Variants in EPB41L4A observed in about 807,000 individuals in gnomAD.
The protein encoded by EPB41L4A is band 4.1-like protein 4A.
Under a neutral mutation model 108.6 loss-of-function variants are expected in EPB41L4A, and 100 were observed. That is an observed-to-expected ratio of 0.92 (90% CI 0.78 to 1.09). The LOEUF (loss-of-function observed/expected upper bound fraction) is 1.09, where lower values mean the gene tolerates loss of function less well. Among genes scored for constraint, EPB41L4A ranks in the 50% least tolerant of loss-of-function variants. The pLI is 0.00. For missense variants in EPB41L4A, 1,030 were observed against 842.7 expected, an observed-to-expected ratio of 1.22 and a Z score of -2.75; for synonymous variants, 319 against 289.0, an observed-to-expected ratio of 1.10 and a Z score of -1.05.
chr5:112,374,625 A>G (rs763994423), intron 1 of EPB41L4A, among the ~76,000 whole-genome samples: 51 of 152,066 alleles, frequency 3.4e-4, no homozygotes, highest in Non-Finnish European at 6.9e-4. Flanking sequence ...GTGAACGCAC[A>G]CTCCTAGTGC....
intron 17 of EPB41L4A, 28 bp downstream of exon 17, chr5:112,194,540 C>A: frequency 7.5e-7 from 1 of 1,329,734 alleles, no homozygotes; most frequent in Non-Finnish European, 1.1e-6. Flanking sequence ...TTTCAGAGTG[C>A]CAGTTAATTA....
At chr5:112,275,223 T>G in intron 4 of EPB41L4A, 103 bp downstream of exon 4, 4 of 1,369,304 alleles carry the variant, frequency 2.9e-6, no homozygotes, top group Non-Finnish European at 3.9e-6. Flanking sequence ...AAAATGCAGG[T>G]AGACACACAT....
chr5:112,412,633 T>C (rs1762476124), intron 1 of EPB41L4A, among the ~76,000 whole-genome samples: 1 of 152,168 alleles, frequency 6.6e-6, no homozygotes, highest in Non-Finnish European at 1.5e-5. Context: ...AATCTTAACA[T>C]ATGAAACGTG....
At chr5:112,159,696 T>C (rs1022367032), downstream of EPB41L4A, among the ~76,000 whole-genome samples, 1 of 152,222 alleles carries the variant, frequency 6.6e-6, no homozygotes, top group African/African-American at 2.4e-5. Context: ...CCAGTCTTCC[T>C]ATTCCTAGCC....
intron 1 of EPB41L4A, among the ~76,000 whole-genome samples, chr5:112,322,217 A>C (rs1400959731): frequency 1.3e-5 from 2 of 152,224 alleles, no homozygotes; most frequent in African/African-American, 2.4e-5. Context: ...CCATGATAGC[A>C]ATTCAAGGAA....
chr5:112,294,098 C>T (rs1430019052), intron 2 of EPB41L4A, among the ~76,000 whole-genome samples: 1 of 152,174 alleles, frequency 6.6e-6, no homozygotes, highest in African/African-American at 2.4e-5. Context: ...CTAAACAGCA[C>T]CTAGTAGCTG....
At chr5:112,221,501 A>T (rs1040414857) in intron 12 of EPB41L4A, among the ~76,000 whole-genome samples, 1 of 152,262 alleles carries the variant, frequency 6.6e-6, no homozygotes, top group Admixed American at 6.5e-5. Flanking sequence ...GTAAAATGGG[A>T]ACACCACTAA....
chr5:112,180,101 G>T lies in EPB41L4A; in HGVS notation c.1622+3915C>A, dbSNP rs566623758. 2.5e-4 allele frequency among the ~76,000 whole-genome samples: 38 copies of T among 152,136 alleles called. 1 individual carries two copies. The highest frequency in any genetic ancestry group is 8.9e-4 in the African/African-American group (37 of 41,486). On this transcript the variant is annotated intron_variant, in intron 18 of 22. Transcript: ENST00000261486. ...GTACTGAGAACTATAAAACATTGCT[G>T]CAAGAAGATAAAAACAAATGGATGA... is the stretch of plus-strand genomic sequence containing the variant.
chr5:112,233,054 T>G (rs1010349116), intron 12 of EPB41L4A, among the ~76,000 whole-genome samples: 1 of 151,948 alleles, frequency 6.6e-6, no homozygotes. Context: ...TAAAAAAAAA[T>G]CTGAATAACC....
chr5:112,170,334 T>A lies in EPB41L4A; in HGVS notation c.1706A>T (p.Glu569Val), dbSNP rs2150202209. The A allele has an allele frequency of 6.2e-7, 1 of 1,613,078 alleles. No homozygotes were observed. The highest frequency in any genetic ancestry group is 1.1e-5 in the South Asian group (1 of 90,990). ...AGTGTATGGAATCTCTTTTAATTGT[T>A]CTTCGGACAATCCGGATGGATCCAC... ...ELVDPSGLSE[E>V]QLKEIPYTKI... The change falls in exon 20 of 23, where the codon GAA becomes GTA. Residue 569 changes from glutamate (E) to valine (V), a missense_variant. Glu to Val is a moderately radical substitution (Grantham distance 121). Coordinates refer to ENST00000261486, the MANE Select transcript of EPB41L4A (RefSeq NM_022140.5).
At chr5:112,262,330 G>C (rs893910750) in intron 7 of EPB41L4A, among the ~76,000 whole-genome samples, 164 bp downstream of exon 7, 1 of 152,148 alleles carries the variant, frequency 6.6e-6, no homozygotes, top group Non-Finnish European at 1.5e-5. Flanking sequence ...AAACTCATTA[G>C]GGTTTAATCC....
intron 1 of EPB41L4A, among the ~76,000 whole-genome samples, chr5:112,319,837 A>T (rs1755657459): frequency 6.6e-6 from 1 of 152,132 alleles, no homozygotes; most frequent in Non-Finnish European, 1.5e-5. Context: ...TCCTTCCCTG[A>T]TGTTGAATAG....
chr5:112,419,669 C>T (rs1762974652), upstream of EPB41L4A: 1 of 456,450 alleles, frequency 2.2e-6, no homozygotes, highest in African/African-American at 2.0e-5. Context: ...GGGGCAGAGG[C>T]GAAGGTCGTC....
intron 1 of EPB41L4A, among the ~76,000 whole-genome samples, chr5:112,407,570 T>C (rs1300704619): frequency 3.3e-5 from 5 of 152,186 alleles, no homozygotes; most frequent in East Asian, 1.9e-4. Context: ...TGAAAATCCA[T>C]GTATATTTAA....
chr5:112,324,668 G>T (rs1230967252), intron 1 of EPB41L4A, among the ~76,000 whole-genome samples: 1 of 146,524 alleles, frequency 6.8e-6, no homozygotes, highest in Non-Finnish European at 1.5e-5. Flanking sequence ...GTTGCAGTGA[G>T]CCGAGATCAC....
At chr5:112,209,850 A>T (rs555425332) in intron 13 of EPB41L4A, 42 bp downstream of exon 13, 1 of 1,256,872 alleles carries the variant, frequency 8.0e-7, no homozygotes, top group Non-Finnish European at 1.1e-6. Context: ...GCATTTTTAC[A>T]ACAGCATATA....
In EPB41L4A at chr5:112,275,313, G is replaced by C. The variant is rs1334251859; in HGVS notation, c.335+13C>G. On this transcript the variant is annotated intron_variant, in intron 4 of 22. Transcript: ENST00000261486. ...ATGCATGTATCTGTTCAAAAACAAA[G>C]TCAATACTATACCTGGTTATTTCTT... 6.5e-7 allele frequency: 1 copy of C among 1,535,080 alleles called. No homozygotes were observed. Among genetic ancestry groups the C allele is most frequent in the Admixed American group, 2.0e-5 (1 of 49,870 alleles).
intron 22 of EPB41L4A, among the ~76,000 whole-genome samples, chr5:112,166,049 G>C (rs1291178516): frequency 1.3e-5 from 2 of 152,134 alleles, no homozygotes; most frequent in Non-Finnish European, 2.9e-5. Flanking sequence ...AGAATTACCA[G>C]AAAAAAAGTG....
chr5:112,235,176 G>A (rs891301746), intron 11 of EPB41L4A, among the ~76,000 whole-genome samples: 3 of 152,166 alleles, frequency 2.0e-5, no homozygotes, highest in African/African-American at 7.2e-5. Flanking sequence ...AGACCACTCG[G>A]TATGATTTTA....
Sources: gnomAD v4.1 joint callset for allele counts (sites outside exome capture counted in the v4.1 genomes callset) on GRCh38, gnomAD v4.1.1 for gene constraint, MANE v1.5 for transcripts, NCBI Gene and HGNC (gene_info 2026-07-23, HGNC 2026-07-21) for gene names.